Variants in CFAP57 observed in about 807,000 individuals in gnomAD.
CFAP57 encodes the protein cilia and flagella associated protein 57.
CFAP57 carries 116 observed loss-of-function variants against 146.8 expected under a neutral mutation model. The observed-to-expected ratio is 0.79, with a 90% confidence interval of 0.68 to 0.92. The LOEUF is 0.92. CFAP57 is among the 40% of genes least tolerant of loss of function. CFAP57 has a pLI of 0.00. For synonymous variants in CFAP57, 518 were observed against 552.8 expected, an observed-to-expected ratio of 0.94 and a Z score of 0.88; for missense variants, 1,377 against 1,527.2, an observed-to-expected ratio of 0.90 and a Z score of 1.64.
At chr1:43,186,587 G>C in intron 5 of CFAP57, 120 bp from the exon 6 acceptor site, 1 of 1,136,348 alleles carries the variant, frequency 8.8e-7, no homozygotes, top group Admixed American at 2.4e-5. Flanking sequence ...CTCTGGCCTG[G>C]GCAAAAGAGC....
At chr1:43,240,906 C>T (rs1218490213) in intron 21 of CFAP57, among the ~76,000 whole-genome samples, 1 of 152,220 alleles carries the variant, frequency 6.6e-6, no homozygotes, top group Admixed American at 6.5e-5. Flanking sequence ...ACGATCTCGG[C>T]TCACTGCAAG....
intron 22 of CFAP57, among the ~76,000 whole-genome samples, chr1:43,251,140 C>T (rs535444719): frequency 6.6e-5 from 10 of 152,306 alleles, no homozygotes; most frequent in South Asian, 2.1e-4. Context: ...AAGACATTCC[C>T]GGTCAAGGAA....
intron 9 of CFAP57, among the ~76,000 whole-genome samples, chr1:43,205,229 G>A (rs978742862): frequency 8.5e-6 from 1 of 118,328 alleles, no homozygotes; most frequent in Non-Finnish European, 1.9e-5. Flanking sequence ...GGAGTTATCA[G>A]CCTCCTCTTA....
At chr1:43,189,281 G>A (rs1341793674) in intron 6 of CFAP57, among the ~76,000 whole-genome samples, 1 of 152,180 alleles carries the variant, frequency 6.6e-6, no homozygotes, top group African/African-American at 2.4e-5. Flanking sequence ...TCTACAAGAA[G>A]CCATCTGGGA....
intron 6 of CFAP57, among the ~76,000 whole-genome samples, chr1:43,189,698 G>T (rs914150392): frequency 3.3e-5 from 5 of 152,164 alleles, no homozygotes; most frequent in Admixed American, 1.3e-4. Flanking sequence ...TATAAAGAAA[G>T]GAAGTTTAAT....
chr1:43,224,950 G>T (rs1403113508), intron 17 of CFAP57, among the ~76,000 whole-genome samples: 1 of 152,320 alleles, frequency 6.6e-6, no homozygotes, highest in South Asian at 2.1e-4. Flanking sequence ...ATAAAATGGG[G>T]ATGATAACCA....
In CFAP57 at chr1:43,181,586, G is replaced by A; in HGVS notation, c.210G>A (p.Arg70=). ...MLALSISPNR[R]YLAISETVQE... is the part of the protein sequence containing the mutation. ...CCTTGTCCATCAGTCCCAATCGGCG[G>A]TACCTCGCTATCTCTGAGACTGTGC... The change falls in exon 3 of 23, where the codon CGG becomes CGA. Residue 70 remains arginine (R), a synonymous_variant. Coordinates refer to ENST00000372492, the MANE Select transcript of CFAP57 (RefSeq NM_001378189.1). The A allele has an allele frequency of 6.2e-7, 1 of 1,614,182 alleles. No individual in the cohort carries two copies. Among genetic ancestry groups the A allele is most frequent in the Non-Finnish European group, 8.5e-7 (1 of 1,180,038 alleles).
rs556873708 is a variant in CFAP57 at position 43,207,970 on chromosome 1, T to A, written c.1755+1038T>A. ...GCCCCTTTAGGGCAGGGCCATCTTT[T>A]GCTCCTCTTGGCAGCCCTACTAGCT... On this transcript the variant is annotated intron_variant, in intron 10 of 22. Coordinates refer to ENST00000372492, the MANE Select transcript of CFAP57 (RefSeq NM_001378189.1). Among the ~76,000 whole-genome samples, 9 of 152,368 alleles carry A rather than the reference T, an allele frequency of 5.9e-5. No homozygotes were observed. The South Asian group carries it at 1.4e-3, about 25-fold the overall frequency.
chr1:43,213,110 T>C (rs1644691646), intron 11 of CFAP57, among the ~76,000 whole-genome samples: 3 of 152,004 alleles, frequency 2.0e-5, no homozygotes, highest in Admixed American at 2.0e-4. Context: ...TTTTTTGAGA[T>C]AGAGTCTCAC....
chr1:43,196,820 A>G (rs1643885804), intron 6 of CFAP57, among the ~76,000 whole-genome samples: 1 of 152,206 alleles, frequency 6.6e-6, no homozygotes, highest in South Asian at 2.1e-4. Context: ...ATTTATCCAG[A>G]TCCTTAAAAA....
intron 3 of CFAP57, among the ~76,000 whole-genome samples, chr1:43,183,191 A>C (rs554078591): frequency 2.0e-5 from 3 of 152,296 alleles, no homozygotes; most frequent in African/African-American, 7.2e-5. Flanking sequence ...TGATTGAAGG[A>C]TGTTCAGTTG....
chr1:43,246,672 A>G (rs181940596), intron 22 of CFAP57, among the ~76,000 whole-genome samples: 1 of 152,234 alleles, frequency 6.6e-6, no homozygotes, highest in Non-Finnish European at 1.5e-5. Context: ...TAAAAAATAG[A>G]TAAGTTGTTT....
At chr1:43,216,408 CCCGTGAGAGTGGGGG>C (rs1272385438) in intron 12 of CFAP57, among the ~76,000 whole-genome samples, 1 of 152,156 alleles carries the variant, frequency 6.6e-6, no homozygotes, top group Non-Finnish European at 1.5e-5. Flanking sequence ...GAGGGAGGGG[CCCGTGAGAGTGGGGG>C]CCTGACCTGC....
rs555104581 is a variant in CFAP57 at position 43,202,896 on chromosome 1, G to A, written c.1542+3393G>A. Among the ~76,000 whole-genome samples the A allele has an allele frequency of 5.1e-4, 78 of 152,120 alleles. No homozygotes were observed. The South Asian group carries it at 0.014, about 27-fold the overall frequency. On this transcript the variant is annotated intron_variant, in intron 9 of 22. Coordinates refer to ENST00000372492, the MANE Select transcript of CFAP57 (RefSeq NM_001378189.1). The stretch of plus-strand genomic sequence containing the variant: ...CCTATAAAAATTGAATCTGTAGGCT[G>A]GGCGCAGTGGCTCACACCTGTAATC...
At position 43,222,959 on chromosome 1, in the gene CFAP57, C is replaced by T; in HGVS notation, c.2668C>T (p.Leu890=). The T allele has an allele frequency of 6.5e-7, 1 of 1,550,278 alleles. No homozygotes were observed. The highest frequency in any genetic ancestry group is 1.2e-5 in the South Asian group (1 of 84,008). The change falls in exon 16 of 23, where the codon CTG becomes TTG. Residue 890 remains leucine, a synonymous_variant. Coordinates refer to ENST00000372492, the MANE Select transcript of CFAP57 (RefSeq NM_001378189.1). The part of the protein sequence containing the change: ...KKLRDEKESN[L]RLKGETGIMR... ...GCTTCGGGATGAAAAGGAATCAAACCTGCGGCTCAAGGGAGAAACAGGCAT... is the reference window on the plus strand; with the variant it reads ...GCTTCGGGATGAAAAGGAATCAAACTTGCGGCTCAAGGGAGAAACAGGCAT...
Position 43,235,423 on chromosome 1 carries a change from A to G in CFAP57, c.3405+785A>G, listed in dbSNP as rs796531708. ...TCAGAATCACATTTATAAAGCACGTACCTTTTTATGTTCACATTTCTTTAT... is the reference window on the plus strand; with the variant it reads ...TCAGAATCACATTTATAAAGCACGTGCCTTTTTATGTTCACATTTCTTTAT... On this transcript the variant is annotated intron_variant, in intron 21 of 22. Transcript: ENST00000372492. Among the ~76,000 whole-genome samples the G allele has an allele frequency of 3.9e-5, 6 of 152,290 alleles. 1 individual carries two copies. In the South Asian group the frequency reaches 1.0e-3, roughly 26 times the overall value.
At chr1:43,210,171 A>G in intron 11 of CFAP57, 1 of 1,556,936 alleles carries the variant, frequency 6.4e-7, no homozygotes, top group Non-Finnish European at 8.6e-7. Flanking sequence ...ATTATGCATA[A>G]TAAGGGGCCG....
At chr1:43,231,047 G>A (rs1444727370) in intron 18 of CFAP57, among the ~76,000 whole-genome samples, 1 of 152,184 alleles carries the variant, frequency 6.6e-6, no homozygotes, top group African/African-American at 2.4e-5. Flanking sequence ...GAAGCAGGGT[G>A]TTTCAGGCTC....
chr1:43,206,934 T>A lies in CFAP57; in HGVS notation c.1755+2T>A, dbSNP rs146369173. The A allele has an allele frequency of 6.2e-7, 1 of 1,610,866 alleles. No homozygotes were observed. Among genetic ancestry groups the A allele is most frequent in the South Asian group, 1.1e-5 (1 of 90,916 alleles). On this transcript the variant is annotated splice_donor_variant, in intron 10 of 22. Transcript: ENST00000372492. LOFTEE classifies it high-confidence loss of function. ...CTCAAGGAGATTGCAGATTCCTTGG[T>A]GAGTCTGCCCCTGCCCCGCCTCTGG...
Sources: allele counts gnomAD v4.1 joint callset (sites outside exome capture counted in the v4.1 genomes callset), GRCh38; gene constraint gnomAD v4.1.1; transcripts MANE v1.5; gene names NCBI Gene and HGNC (gene_info 2026-07-23, HGNC 2026-07-21).